The following MMP28 variants were observed in gnomAD, a reference collection of about 807,000 sequenced individuals.
MMP28 encodes matrix metallopeptidase 28.
MMP28 carries 55 observed loss-of-function variants against 60.5 expected under a neutral mutation model. The ratio of observed to expected loss-of-function variants is 0.91; its 90% CI spans 0.73 to 1.14. MMP28 has a LOEUF of 1.14. Ranked by LOEUF, MMP28 falls within the 50% of genes most tolerant of loss-of-function variation. The probability of loss-of-function intolerance (pLI) is 0.00; values close to 1 mark genes in which losing one functional copy is unlikely to be tolerated. For synonymous variants in MMP28, 318 were observed against 312.5 expected, an observed-to-expected ratio of 1.02 and a Z score of -0.18; for missense variants, 686 against 738.3, an observed-to-expected ratio of 0.93 and a Z score of 0.82.
chr17:35,770,226 CGCGGCG>C lies in MMP28; in HGVS notation c.685_690del (p.Arg229_Arg230del). On this transcript the variant is annotated inframe_deletion, in exon 5 of 8. Coordinates refer to ENST00000605424, the MANE Select transcript of MMP28 (RefSeq NM_024302.5). ...GCCAGCACCACGAACAGGTTGCGCC[CGCGGCG>C]GCGGCTCAGGGACCAGCGCTCATCT... The C allele has an allele frequency of 1.3e-6, 2 of 1,595,700 alleles. No homozygotes were observed. Among genetic ancestry groups the C allele is most frequent in the Non-Finnish European group, 1.7e-6 (2 of 1,176,276 alleles).
chr17:35,767,718 G>A, intron 7 of MMP28, 34 bp downstream of exon 7: 2 of 1,550,202 alleles, frequency 1.3e-6, no homozygotes, highest in African/African-American at 1.4e-5. Flanking sequence ...CCCTCTCTAG[G>A]GCTCAGTTTT....
At chr17:35,758,281 G>A (rs1402859268) in intron 2 of MMP28, 1 of 152,158 alleles carries the variant, frequency 6.6e-6, no homozygotes, top group African/African-American at 2.4e-5. Flanking sequence ...CTCTCAAGAG[G>A]TCTCCCAAGC....
intron 4 of MMP28, among the ~76,000 whole-genome samples, chr17:35,770,713 A>AGTGT (rs2086105410): frequency 7.6e-6 from 1 of 131,972 alleles, no homozygotes; most frequent in African/African-American, 3.1e-5. Context: ...CTGAATAATA[A>AGTGT]ATGTGTGTGT....
At position 35,792,256 on chromosome 17, in the gene MMP28, G is replaced by A. The variant is rs925634345; in HGVS notation, c.111+3011C>T. 3.3e-5 allele frequency among the ~76,000 whole-genome samples: 5 copies of A among 152,090 alleles called. No homozygotes were observed. In the East Asian group the frequency reaches 9.6e-4, roughly 29 times the overall value. ...TGACTGCTCTAGCCAATGGAGTGCA[G>A]TAGAAGCAATAGTAGGTCATAAAAA... is the stretch of plus-strand genomic sequence containing the variant. On this transcript the variant is annotated intron_variant, in intron 1 of 7. Transcript: ENST00000605424.
At chr17:35,760,940 G>GAATGGAT (rs1459243776), downstream of MMP28, 1 of 1,613,618 alleles carries the variant, frequency 6.2e-7, no homozygotes, top group Non-Finnish European at 8.5e-7. Context: ...GCCTTGGGAA[G>GAATGGAT]AATGGATAAG....
chr17:35,762,891 C>T (rs1182852223), downstream of MMP28, among the ~76,000 whole-genome samples: 1 of 152,008 alleles, frequency 6.6e-6, no homozygotes, highest in Non-Finnish European at 1.5e-5. Context: ...TTTGGGAGGC[C>T]GAGGCGGGCA....
chr17:35,794,143 A>C (rs1216111791), intron 1 of MMP28, among the ~76,000 whole-genome samples: 2 of 152,116 alleles, frequency 1.3e-5, no homozygotes, highest in African/African-American at 4.8e-5. Context: ...TCTCCTTAAA[A>C]TAGTGGAGAC....
Position 35,795,567 on chromosome 17 carries a change from G to A in MMP28, c.-190C>T, listed in dbSNP as rs2086948211. The A allele has an allele frequency of 2.5e-6, 1 of 399,790 alleles. No homozygotes were observed. The highest frequency in any genetic ancestry group is 4.4e-6 in the Non-Finnish European group (1 of 229,378). The allele number at this position is 399,790 out of a possible 1,614,324, so 24.8% of individuals were successfully genotyped here. On this transcript the variant is annotated 5_prime_UTR_variant, in exon 1 of 8. Transcript: ENST00000605424. ...CCGCTCCTCCGCTGCCCTTCGCCGG[G>A]AGCCGGCCAGACGTCGTCCAGCCCG...
chr17:35,788,648 C>T (rs2086723945), intron 1 of MMP28, among the ~76,000 whole-genome samples: 1 of 152,124 alleles, frequency 6.6e-6, no homozygotes, highest in African/African-American at 2.4e-5. Flanking sequence ...GAAACAGACA[C>T]TGCATCTGGG....
chr17:35,795,363 G>C lies in MMP28; in HGVS notation c.15C>G (p.Val5=). 1 of 1,444,670 alleles carries C rather than the reference G, an allele frequency of 6.9e-7. No individual in the cohort carries two copies. 89.5% of individuals were successfully genotyped at this position (1,444,670 alleles called of 1,614,324 possible). ...GCTGCAGGGCGCGCAGCAGGAGGCC[G>C]ACGCGCGCGACCATCTCGCCGCCTC... is the stretch of plus-strand genomic sequence containing the variant. The part of the protein sequence containing the change: MVAR[V]GLLLRALQLL... Residue 5 remains valine (V), a synonymous_variant, in exon 1 of 8, where the codon GTC becomes GTG. Coordinates refer to ENST00000605424, the MANE Select transcript of MMP28 (RefSeq NM_024302.5).
chr17:35,776,098 T>C lies in MMP28; in HGVS notation c.380-2694A>G, dbSNP rs569885697. Among the ~76,000 whole-genome samples, 60 of 151,860 alleles carry C rather than the reference T, an allele frequency of 4.0e-4. No homozygotes were observed. In the Middle Eastern group the frequency reaches 0.014, roughly 34 times the overall value. On this transcript the variant is annotated intron_variant, in intron 3 of 7. Transcript: ENST00000605424. ...ACCGTGTTAGCCAGGATGGTCTCGA[T>C]CTCCTGACCTCATGATCTGCCCGCC...
At chr17:35,778,199 C>G (rs2086389412) in intron 3 of MMP28, among the ~76,000 whole-genome samples, 1 of 152,098 alleles carries the variant, frequency 6.6e-6, no homozygotes, top group Non-Finnish European at 1.5e-5. Flanking sequence ...AAAATCATGA[C>G]AGCAGAAACT....
intron 1 of MMP28, among the ~76,000 whole-genome samples, chr17:35,790,555 A>AT (rs990292816): frequency 7.2e-5 from 11 of 152,024 alleles, no homozygotes; most frequent in African/African-American, 2.4e-4. Context: ...ATCCTGACTG[A>AT]TTTTTTTTGT....
chr17:35,790,060 CTTTTTTT>C (rs56405134), intron 1 of MMP28, among the ~76,000 whole-genome samples: 1 of 66,938 alleles, frequency 1.5e-5, no homozygotes, highest in South Asian at 5.2e-4. Flanking sequence ...CCGCACCTGG[CTTTTTTT>C]TTTTTTTTTT....
intron 7 of MMP28, 123 bp downstream of exon 7, chr17:35,767,629 T>C: frequency 5.1e-6 from 6 of 1,174,178 alleles, no homozygotes; most frequent in Non-Finnish European, 7.1e-6. Flanking sequence ...AGGTTCAGAT[T>C]GGAATGGAGA....
chr17:35,768,436 T>G, intron 5 of MMP28, 57 bp from the exon 6 acceptor site: 2 of 1,409,116 alleles, frequency 1.4e-6, no homozygotes, highest in South Asian at 2.9e-5. Context: ...GAGGGTATGC[T>G]GTGCACTCAA....
intron 3 of MMP28, among the ~76,000 whole-genome samples, chr17:35,776,435 C>G (rs1420261894): frequency 6.6e-6 from 1 of 152,148 alleles, no homozygotes; most frequent in Non-Finnish European, 1.5e-5. Flanking sequence ...CTCAGCCTCC[C>G]AAATCGCTGG....
downstream of MMP28, among the ~76,000 whole-genome samples, chr17:35,762,964 T>C (rs781154890): frequency 3.3e-5 from 5 of 151,632 alleles, no homozygotes; most frequent in East Asian, 1.9e-4. Context: ...CTACTAAAAA[T>C]ACAAAAAATT....
chr17:35,764,241 C>G, downstream of MMP28: 1 of 1,542,252 alleles, frequency 6.5e-7, no homozygotes, highest in Non-Finnish European at 8.7e-7. Flanking sequence ...CAGCAGGTGG[C>G]GCTGCTGCGG....
Sources: gnomAD v4.1 joint callset for allele counts (sites outside exome capture counted in the v4.1 genomes callset) on GRCh38, gnomAD v4.1.1 for gene constraint, MANE v1.5 for transcripts, NCBI Gene and HGNC (gene_info 2026-07-23, HGNC 2026-07-21) for gene names.